Variants in CDH11 observed in about 807,000 individuals in gnomAD.
CDH11 encodes the protein cadherin 11.
Under a neutral mutation model 67.8 loss-of-function variants are expected in CDH11, and 11 were observed. That is an observed-to-expected ratio of 0.16 (90% CI 0.10 to 0.27). The LOEUF (loss-of-function observed/expected upper bound fraction) is 0.27, where lower values mean the gene tolerates loss of function less well. Among genes scored for constraint, CDH11 ranks in the 10% least tolerant of loss-of-function variants. The pLI is 1.00. For missense variants in CDH11, 847 were observed against 1,031.2 expected (o/e 0.82, Z 2.45); for synonymous variants, 419 against 400.0 (o/e 1.05, Z -0.57).
intron 1 of CDH11, among the ~76,000 whole-genome samples, chr16:65,110,936 C>T (rs1478427471): frequency 2.6e-5 from 4 of 152,144 alleles, no homozygotes; most frequent in African/African-American, 9.7e-5. Flanking sequence ...GGAATGTTGT[C>T]TTCCATGGTT....
At chr16:65,055,893 G>A (rs1567552192) in intron 1 of CDH11, among the ~76,000 whole-genome samples, 1 of 152,174 alleles carries the variant, frequency 6.6e-6, no homozygotes, top group Non-Finnish European at 1.5e-5. Flanking sequence ...AGGTAATTAG[G>A]TTTAGATGAT....
At chr16:64,990,001 G>C (rs1473315874) in intron 6 of CDH11, among the ~76,000 whole-genome samples, 2 of 152,076 alleles carry the variant, frequency 1.3e-5, no homozygotes, top group East Asian at 3.9e-4. Flanking sequence ...CTATATTAAA[G>C]GATGAGTGGG....
intron 1 of CDH11, among the ~76,000 whole-genome samples, chr16:65,068,248 G>C (rs939813091): frequency 2.8e-4 from 43 of 151,798 alleles, no homozygotes; most frequent in African/African-American, 1.0e-3. Context: ...AAGGGAAACT[G>C]CAAGATAAAG....
chr16:65,122,446 C>T (rs916983876), upstream of CDH11: 1 of 171,068 alleles, frequency 5.8e-6, no homozygotes, highest in Non-Finnish European at 1.2e-5. Context: ...GGTTGGGAGC[C>T]CCCATTTTCC....
rs1469231013 is a variant in CDH11, at chr16:64,950,897, G to A, written c.1764C>T (p.Leu588=). ...GIPPMSSTNT[L]TIKVCGCDVN... ...CGTCGCACCCGCAGACTTTGATGGTGAGGGTGTTGGTGCTACTCATGGGCG... is the reference window on the plus strand; with the variant it reads ...CGTCGCACCCGCAGACTTTGATGGTAAGGGTGTTGGTGCTACTCATGGGCG... Residue 588 remains leucine, a synonymous_variant, in exon 12 of 13, where the codon CTC becomes CTT. Coordinates refer to ENST00000268603, the MANE Select transcript of CDH11 (RefSeq NM_001797.4). The A allele has an allele frequency of 1.2e-6, 2 of 1,614,130 alleles. No homozygotes were observed. The highest frequency in any genetic ancestry group is 1.1e-5 in the South Asian group (1 of 91,094).
intron 1 of CDH11, among the ~76,000 whole-genome samples, chr16:65,105,460 C>T (rs1302835784): frequency 6.6e-6 from 1 of 152,240 alleles, no homozygotes; most frequent in African/African-American, 2.4e-5. Flanking sequence ...TCACATCCCT[C>T]TGACTATCCA....
At chr16:64,993,793 A>T (rs8050545) in intron 4 of CDH11, among the ~76,000 whole-genome samples, 1 of 152,034 alleles carries the variant, frequency 6.6e-6, no homozygotes, top group South Asian at 2.1e-4. Flanking sequence ...GGGGCATGGC[A>T]TGTTGGGCTT....
At chr16:65,102,110 G>A (rs1185948823) in intron 1 of CDH11, among the ~76,000 whole-genome samples, 3 of 152,140 alleles carry the variant, frequency 2.0e-5, no homozygotes. Flanking sequence ...CCCAATGATT[G>A]CAAGTTCACA....
intron 1 of CDH11, among the ~76,000 whole-genome samples, chr16:65,101,617 C>T (rs2074993369): frequency 6.6e-6 from 1 of 152,158 alleles, no homozygotes; most frequent in African/African-American, 2.4e-5. Flanking sequence ...AATACCAAGA[C>T]CATCACTACC....
intron 3 of CDH11, among the ~76,000 whole-genome samples, chr16:64,999,195 A>T (rs909841097): frequency 1.3e-5 from 2 of 152,222 alleles, no homozygotes; most frequent in Non-Finnish European, 2.9e-5. Flanking sequence ...GTTTATTTTT[A>T]AAAATATATA....
At chr16:65,021,143 A>C (rs1298819688) in intron 2 of CDH11, among the ~76,000 whole-genome samples, 1 of 152,142 alleles carries the variant, frequency 6.6e-6, no homozygotes, top group Non-Finnish European at 1.5e-5. Context: ...GCTTCCCCAT[A>C]ACTGCCATTA....
rs367866579 is a variant in CDH11 at position 65,057,961 on chromosome 16, G to A, written c.-297-4033C>T. ...TAAAAACACACTGGGAAGGCCAGCT[G>A]CAGTGGCTCATGCCTGTAATCCCAG... On this transcript the variant is annotated intron_variant, in intron 1 of 12. Coordinates refer to ENST00000268603, the MANE Select transcript of CDH11 (RefSeq NM_001797.4). Among the ~76,000 whole-genome samples, 28 of 152,288 alleles carry A rather than the reference G, an allele frequency of 1.8e-4. No individual in the cohort carries two copies. In the East Asian group the frequency reaches 4.4e-3, roughly 24 times the overall value.
rs878965117 is a variant in CDH11 at position 64,972,983 on chromosome 16, A to G, written c.1311T>C (p.Asp437=). Residue 437 remains aspartate, a synonymous_variant, in exon 9 of 13, where the codon GAT becomes GAC. Coordinates refer to ENST00000268603, the MANE Select transcript of CDH11 (RefSeq NM_001797.4). ...LDRFFTINPE[D]GFIKTTKPLD... is the part of the protein sequence containing the mutation. The stretch of plus-strand genomic sequence containing the variant: ...GAGGTTTTGTAGTTTTAATAAAACC[A>G]TCCTCTGGATTAATAGTGAAAAATC... 5 of 1,613,552 alleles carry G rather than the reference A, an allele frequency of 3.1e-6. No homozygotes were observed. Among genetic ancestry groups the G allele is most frequent in the Non-Finnish European group, 4.2e-6 (5 of 1,179,550 alleles).
At chr16:65,085,056 C>A (rs1255474136) in intron 1 of CDH11, among the ~76,000 whole-genome samples, 1 of 152,104 alleles carries the variant, frequency 6.6e-6, no homozygotes, top group Admixed American at 6.5e-5. Context: ...ATTACAGGCA[C>A]CTGCCACCAT....
chr16:65,015,757 C>A (rs1476789067), intron 2 of CDH11, among the ~76,000 whole-genome samples: 3 of 152,162 alleles, frequency 2.0e-5, no homozygotes, highest in Non-Finnish European at 4.4e-5. Context: ...GAGAACCACT[C>A]CCCATAGTCT....
intron 3 of CDH11, among the ~76,000 whole-genome samples, chr16:65,000,724 G>A (rs1039459286): frequency 2.0e-5 from 3 of 152,010 alleles, no homozygotes; most frequent in Admixed American, 6.6e-5. Context: ...CAGGAGAATC[G>A]CTTGAAACCA....
chr16:65,108,672 C>A (rs538583343), intron 1 of CDH11, among the ~76,000 whole-genome samples: 59 of 116,532 alleles, frequency 5.1e-4, no homozygotes, highest in African/African-American at 1.9e-3. Flanking sequence ...CTGCTGCTAT[C>A]AAATCAATAT....
At chr16:64,996,480 ACT>A (rs1660936199) in intron 4 of CDH11, among the ~76,000 whole-genome samples, 1 of 128,494 alleles carries the variant, frequency 7.8e-6, no homozygotes, top group South Asian at 3.0e-4. Flanking sequence ...ACAGAGCGAG[ACT>A]CTGTCTCAGA....
chr16:65,005,018 G>GC lies in CDH11; in HGVS notation c.-150dup, dbSNP rs2073017650. 7.3e-7 allele frequency: 1 copy of GC among 1,373,564 alleles called. No homozygotes were observed. Among genetic ancestry groups the GC allele is most frequent in the Non-Finnish European group, 9.4e-7 (1 of 1,062,846 alleles). 85.1% of individuals were successfully genotyped at this position (1,373,564 alleles called of 1,614,324 possible). ...TGCTGGTTGAGCTCATCACGTCAGGGCTGCCCACGTCCCCAGTTAGCTTCT... is the reference window on the plus strand; with the variant it reads ...TGCTGGTTGAGCTCATCACGTCAGGGCCTGCCCACGTCCCCAGTTAGCTTCT... On this transcript the variant is annotated 5_prime_UTR_variant, in exon 3 of 13. The change abolishes the stop of an existing upstream ORF in the 5' untranslated region. Coordinates refer to ENST00000268603, the MANE Select transcript of CDH11 (RefSeq NM_001797.4).
Sources: allele counts gnomAD v4.1 joint callset (sites outside exome capture counted in the v4.1 genomes callset), GRCh38; gene constraint gnomAD v4.1.1; transcripts MANE v1.5; gene names NCBI Gene and HGNC (gene_info 2026-07-23, HGNC 2026-07-21).